Variants in CUL9 observed in about 807,000 individuals in gnomAD.
CUL9 encodes the protein cullin-9.
In CUL9, 79 loss-of-function variants were observed where a neutral mutation model predicts 272.6. That is an observed-to-expected ratio of 0.29 (90% CI 0.24 to 0.35). The LOEUF (loss-of-function observed/expected upper bound fraction) is 0.35. Ranked by LOEUF, CUL9 falls within the 10% of genes least tolerant of loss-of-function variation. The probability of loss-of-function intolerance (pLI) is 1.00; values close to 1 mark genes in which losing one functional copy is unlikely to be tolerated. For synonymous variants in CUL9, 1,186 were observed against 1,286.5 expected, an observed-to-expected ratio of 0.92 and a Z score of 1.67; for missense variants, 2,532 against 3,255.6, an observed-to-expected ratio of 0.78 and a Z score of 5.41.
At position 43,187,907 on chromosome 6, in the gene CUL9, A is replaced by C; in HGVS notation, c.1776A>C (p.Pro592=). The change falls in exon 7 of 41, where the codon CCA becomes CCC. Residue 592 remains proline, a synonymous_variant. Transcript: ENST00000252050. Reference sequence around the variant, plus strand: ...CTTCACGAAATCACTCCTGTACCCCAGATCCAGAAGAGGAGTCCAAGTCGG... The same window carrying C: ...CTTCACGAAATCACTCCTGTACCCCCGATCCAGAAGAGGAGTCCAAGTCGG... ...SSTSRNHSCT[P]DPEEESKSEA... 1 of 1,614,104 alleles carries C rather than the reference A, an allele frequency of 6.2e-7. No homozygotes were observed. Among genetic ancestry groups the C allele is most frequent in the Non-Finnish European group, 8.5e-7 (1 of 1,180,016 alleles).
At chr6:43,222,940 C>T in intron 38 of CUL9, 44 bp downstream of exon 38, 5 of 1,527,510 alleles carry the variant, frequency 3.3e-6, no homozygotes, top group Non-Finnish European at 4.5e-6. Flanking sequence ...GCCTCCTCCC[C>T]TCTGTTGCAC....
intron 21 of CUL9, 85 bp downstream of exon 21, chr6:43,204,624 C>A: frequency 6.3e-7 from 1 of 1,588,240 alleles, no homozygotes; most frequent in Admixed American, 1.7e-5. Context: ...ACTCTTGCTG[C>A]TTTGCTACCG....
Position 43,186,032 on chromosome 6 carries a change from T to C in CUL9, c.828T>C (p.Ser276=). ...CCCTCCTGGATCAGCTGAATAGCAGTCCAGAGCTGGGAGCTGGAGACCAAA... is the reference window on the plus strand; with the variant it reads ...CCCTCCTGGATCAGCTGAATAGCAGCCCAGAGCTGGGAGCTGGAGACCAAA... ...VTSLLDQLNS[S]PELGAGDQSS... is the part of the protein sequence containing the mutation. The change falls in exon 4 of 41, where the codon AGT becomes AGC. Residue 276 remains serine, a synonymous_variant. Transcript: ENST00000252050. 6.2e-7 allele frequency: 1 copy of C among 1,614,170 alleles called. No individual in the cohort carries two copies. Among genetic ancestry groups the C allele is most frequent in the South Asian group, 1.1e-5 (1 of 91,090 alleles).
At position 43,187,000 on chromosome 6, in the gene CUL9, G is replaced by A. The variant is rs772155541; in HGVS notation, c.1292G>A (p.Trp431Ter). 1.2e-6 allele frequency: 2 copies of A among 1,614,096 alleles called. No individual in the cohort carries two copies. The highest frequency in any genetic ancestry group is 1.7e-6 in the Non-Finnish European group (2 of 1,179,986). ...ACAGGCCGCACTTACTGGGTGCACT[G>A]GCACATGCTGGAGATCCTGGGCCCT... The part of the protein sequence containing the change: ...QSTGRTYWVH[W>*]HMLEILGPEE... Residue 431 changes from tryptophan to a stop codon, truncating the protein, a stop_gained, in exon 5 of 41, where the codon TGG becomes TAG. Transcript: ENST00000252050. LOFTEE classifies it high-confidence loss of function.
Position 43,184,293 on chromosome 6 carries a change from G to A in CUL9, c.-9-9G>A. On this transcript the variant is annotated splice_polypyrimidine_tract_variant and intron_variant, in intron 1 of 40. Transcript: ENST00000252050. The surrounding 1 kb of genome is among the most constrained non-coding windows in gnomAD (Gnocchi z 4.8). Reference sequence around the variant, plus strand: ...CATACTGCCTTATCTTTCTCCTTGTGTATCCCAGGAGGTCAGGATGGTGGG... The same window carrying A: ...CATACTGCCTTATCTTTCTCCTTGTATATCCCAGGAGGTCAGGATGGTGGG... The A allele has an allele frequency of 9.7e-6, 14 of 1,443,864 alleles. No individual in the cohort carries two copies. Among genetic ancestry groups the A allele is most frequent in the Non-Finnish European group, 1.3e-5 (14 of 1,090,686 alleles). The allele number at this position is 1,443,864 out of a possible 1,614,324, so 89.4% of individuals were successfully genotyped here.
Position 43,205,289 on chromosome 6 carries a change from T to G in CUL9, c.4659T>G (p.Ile1553Met). The G allele has an allele frequency of 6.2e-7, 1 of 1,614,168 alleles. No homozygotes were observed. Among genetic ancestry groups the G allele is most frequent in the Non-Finnish European group, 8.5e-7 (1 of 1,180,004 alleles). The change falls in exon 24 of 41, where the codon ATT becomes ATG. Residue 1553 changes from isoleucine (I) to methionine (M), a missense_variant. Around this residue, in one of 3 missense-constraint regions of CUL9, gnomAD observed 2,218 missense variants for 2,788.6 expected, o/e 0.80. Coordinates refer to ENST00000252050, the MANE Select transcript of CUL9 (RefSeq NM_015089.4). ...AHMSEQFARY[I>M]DQQIQGGLIG... ...TGAGTGAGCAGTTTGCCAGGTACAT[T>G]GACCAACAGATCCAGGGTGGCCTGA... is the stretch of plus-strand genomic sequence containing the variant.
In CUL9 at chr6:43,184,044, C is replaced by T. The variant is rs1198708937; in HGVS notation, c.-9-258C>T. Among the ~76,000 whole-genome samples, 8 of 152,146 alleles carry T rather than the reference C, an allele frequency of 5.3e-5. No homozygotes were observed. The highest frequency in any genetic ancestry group is 2.1e-4 in the South Asian group (1 of 4,834). On this transcript the variant is annotated intron_variant, in intron 1 of 40. Coordinates refer to ENST00000252050, the MANE Select transcript of CUL9 (RefSeq NM_015089.4). The surrounding 1 kb of genome is among the most constrained non-coding windows in gnomAD (Gnocchi z 4.8). ...GGGATTACAGGCGTGAGCCACTGGGCGCAGCCAACTCTTCCATTTCTTAAA... is the reference window on the plus strand; with the variant it reads ...GGGATTACAGGCGTGAGCCACTGGGTGCAGCCAACTCTTCCATTTCTTAAA...
rs1458313796 is a variant in CUL9 at position 43,222,895 on chromosome 6, G to A, written c.7149G>A (p.Leu2383=). 8 of 1,612,832 alleles carry A rather than the reference G, an allele frequency of 5.0e-6. No homozygotes were observed. In the East Asian group the frequency reaches 1.8e-4, roughly 36 times the overall value. ...ACACCAATGCCCTGCAGATCCTCCT[G>A]GGTGAGCCACCCCTGCCAGCCAGGC... is the stretch of plus-strand genomic sequence containing the variant. The part of the protein sequence containing the change: ...ELHTNALQIL[L]EETLLRCRDL... Residue 2383 remains leucine (L), a splice_region_variant and synonymous_variant, in exon 38 of 41, where the codon CTG becomes CTA. Coordinates refer to ENST00000252050, the MANE Select transcript of CUL9 (RefSeq NM_015089.4).
rs767866116 is a variant in CUL9, at chr6:43,203,184, C to T, written c.3829C>T (p.Arg1277Cys). 12 of 1,614,126 alleles carry T rather than the reference C, an allele frequency of 7.4e-6. No homozygotes were observed. The highest frequency in any genetic ancestry group is 1.7e-5 in the Admixed American group (1 of 60,024). The part of the protein sequence containing the change: ...LNRFWPIIQI[R>C]IKRCQQGGID... Reference sequence around the variant, plus strand: ...CCGCTTCTGGCCCATCATCCAGATCCGCATAAAGCGCTGCCAGCAGGTGGT... The same window carrying T: ...CCGCTTCTGGCCCATCATCCAGATCTGCATAAAGCGCTGCCAGCAGGTGGT... The change falls in exon 18 of 41, where the codon CGC becomes TGC. Residue 1277 changes from arginine (R) to cysteine (C), a missense_variant. Physicochemically the swap from Arg to Cys is radical, Grantham distance 180 (BLOSUM62 -3). Around this residue, in one of 3 missense-constraint regions of CUL9, gnomAD observed 2,218 missense variants for 2,788.6 expected, o/e 0.80. Coordinates refer to ENST00000252050, the MANE Select transcript of CUL9 (RefSeq NM_015089.4). The surrounding 1 kb of genome is among the most constrained non-coding windows in gnomAD (Gnocchi z 5.0).
chr6:43,183,264 A>G (rs1233502774), intron 1 of CUL9, among the ~76,000 whole-genome samples: 4 of 152,154 alleles, frequency 2.6e-5, no homozygotes, highest in Admixed American at 2.6e-4. Context: ...AATCCTTACC[A>G]TACATGCAGT....
Position 43,221,625 on chromosome 6 carries a change from C to A in CUL9, c.6753-60C>A. 6.7e-7 allele frequency: 1 copy of A among 1,487,964 alleles called. No individual in the cohort carries two copies. Among genetic ancestry groups the A allele is most frequent in the Non-Finnish European group, 9.3e-7 (1 of 1,074,054 alleles). The allele number at this position is 1,487,964 out of a possible 1,614,324, so 92.2% of individuals were successfully genotyped here. A position where few individuals can be genotyped will look rare whatever the true frequency, so the allele number is the denominator to read the frequency against. On this transcript the variant is annotated intron_variant, in intron 34 of 40. Coordinates refer to ENST00000252050, the MANE Select transcript of CUL9 (RefSeq NM_015089.4). The surrounding 1 kb of genome is among the most constrained non-coding windows in gnomAD (Gnocchi z 4.2). ...AACAGCGGTACATCTGGGCCCTTGG[C>A]ATTCCTGGCACACCCCTGCCCAGAG... is the stretch of plus-strand genomic sequence containing the variant.
At position 43,222,653 on chromosome 6, in the gene CUL9, T is replaced by C; in HGVS notation, c.7032+12T>C. The C allele has an allele frequency of 6.2e-7, 1 of 1,609,654 alleles. No homozygotes were observed. The highest frequency in any genetic ancestry group is 8.5e-7 in the Non-Finnish European group (1 of 1,179,486). On this transcript the variant is annotated intron_variant, in intron 37 of 40. Transcript: ENST00000252050. ...AGCAGGCTCGGAAGGTGGTAGCGGG[T>C]GGGGGAAGAGAGCAGGGGAGGGGTG...
At chr6:43,209,024 CAG>C (rs1460654018) in intron 26 of CUL9, among the ~76,000 whole-genome samples, 10 of 151,898 alleles carry the variant, frequency 6.6e-5, no homozygotes, top group Admixed American at 6.6e-5. Context: ...TTTGTAGAAA[CAG>C]AGTTTCACTA....
rs923988037 is a variant in CUL9, at chr6:43,213,200, C to T, written c.5264C>T (p.Thr1755Met). The change falls in exon 27 of 41, where the codon ACG becomes ATG. Residue 1755 changes from threonine (T) to methionine (M), a missense_variant. Coordinates refer to ENST00000252050, the MANE Select transcript of CUL9 (RefSeq NM_015089.4). This position sits in a 1 kb window ranked among gnomAD's most constrained non-coding sequence, Gnocchi z 5.7. ...GGACCACATCGGCGACTGCAGTGGA[C>T]GTGGCTGGGCCGGGCTGAGCTGCAG... ...DMGPHRRLQW[T>M]WLGRAELQFG... 3 of 1,614,152 alleles carry T rather than the reference C, an allele frequency of 1.9e-6. No individual in the cohort carries two copies. Among genetic ancestry groups the T allele is most frequent in the South Asian group, 1.1e-5 (1 of 91,088 alleles).
chr6:43,215,431 C>G (rs920432992), intron 30 of CUL9, 105 bp downstream of exon 30: 26 of 1,441,774 alleles, frequency 1.8e-5, no homozygotes, highest in Non-Finnish European at 2.3e-5. Context: ...GTCTGATCCC[C>G]TTTTCCCTAT....
rs1275529955 is a variant in CUL9 at position 43,223,480 on chromosome 6, G to A, written c.7284+83G>A. 4 of 1,483,948 alleles carry A rather than the reference G, an allele frequency of 2.7e-6. No individual in the cohort carries two copies. In the African/African-American group the frequency reaches 5.8e-5, roughly 21 times the overall value. 91.9% of individuals were successfully genotyped at this position (1,483,948 alleles called of 1,614,324 possible). A position where few individuals can be genotyped will look rare whatever the true frequency, so the allele number is the denominator to read the frequency against. The stretch of plus-strand genomic sequence containing the variant: ...TGTCCCAGCACAGCCCCTGCCCTGG[G>A]GCGAGTCCAGAAGGAAAGGCAGCAA... On this transcript the variant is annotated intron_variant, in intron 39 of 40. Transcript: ENST00000252050. This position sits in a 1 kb window ranked among gnomAD's most constrained non-coding sequence, Gnocchi z 4.1.
rs1776578086 is a variant in CUL9, at chr6:43,223,774, C to T, written c.7285-321C>T. 2 of 505,758 alleles carry T rather than the reference C, an allele frequency of 4.0e-6. No homozygotes were observed. The highest frequency in any genetic ancestry group is 1.9e-5 in the African/African-American group (1 of 52,188). The allele number at this position is 505,758 out of a possible 1,614,324, so 31.3% of individuals were successfully genotyped here. A position where few individuals can be genotyped will look rare whatever the true frequency, so the allele number is the denominator to read the frequency against. ...AGCAAGGGCTCTCCCAGGCTCTCTC[C>T]AGCTCTAATGCACTGATGCTGAGTC... On this transcript the variant is annotated intron_variant, in intron 39 of 40. Transcript: ENST00000252050. This position sits in a 1 kb window ranked among gnomAD's most constrained non-coding sequence, Gnocchi z 4.1.
chr6:43,209,491 C>A (rs1226830034), intron 26 of CUL9, among the ~76,000 whole-genome samples: 1 of 151,854 alleles, frequency 6.6e-6, no homozygotes, highest in African/African-American at 2.4e-5. Flanking sequence ...TCTATGACTT[C>A]ATTTTTTTGT....
In CUL9 at chr6:43,220,638, C is replaced by G. The variant is rs1050775911; in HGVS notation, c.6423+39C>G. ...TCTGAGAGAGGCTCCAGTGCAGAGC[C>G]AAAGGAGTGTGCCCCAGGGAGTGGG... On this transcript the variant is annotated intron_variant, in intron 32 of 40. Coordinates refer to ENST00000252050, the MANE Select transcript of CUL9 (RefSeq NM_015089.4). This position sits in a 1 kb window ranked among gnomAD's most constrained non-coding sequence, Gnocchi z 4.9. 1.1e-5 allele frequency: 18 copies of G among 1,611,266 alleles called. No homozygotes were observed. In the East Asian group the frequency reaches 3.1e-4, roughly 28 times the overall value.
Sources: allele counts gnomAD v4.1 joint callset (sites outside exome capture counted in the v4.1 genomes callset), GRCh38; gene constraint gnomAD v4.1.1; regional missense constraint gnomAD v4.1.1; non-coding constraint Gnocchi (gnomAD v3.1); transcripts MANE v1.5; gene names NCBI Gene and HGNC (gene_info 2026-07-23, HGNC 2026-07-21).